Variants in TCP11L2 observed in about 807,000 individuals in gnomAD.
TCP11L2 encodes the protein t-complex 11 like 2, also known as T-complex protein 11-like protein 2.
TCP11L2 carries 39 observed loss-of-function variants against 50.7 expected under a neutral mutation model. That is an observed-to-expected ratio of 0.77 (90% CI 0.60 to 1.01). TCP11L2 has a LOEUF of 1.01. TCP11L2 is among the 50% of genes least tolerant of loss of function. TCP11L2 has a pLI of 0.00. For missense variants in TCP11L2, 612 were observed against 614.7 expected, an observed-to-expected ratio of 1.00 and a Z score of 0.05; for synonymous variants, 192 against 219.3, an observed-to-expected ratio of 0.88 and a Z score of 1.10.
At chr12:106,309,784 T>C (rs1286200642) in intron 1 of TCP11L2, among the ~76,000 whole-genome samples, 3 of 151,714 alleles carry the variant, frequency 2.0e-5, no homozygotes, top group South Asian at 2.1e-4. Context: ...TTGGTTACTT[T>C]CCCCGGTGCT....
chr12:106,324,914 T>G (rs1255248287), intron 6 of TCP11L2: 1 of 152,234 alleles, frequency 6.6e-6, no homozygotes, highest in Non-Finnish European at 1.5e-5. Context: ...AGATTTCATT[T>G]GACATCAATG....
intron 6 of TCP11L2, among the ~76,000 whole-genome samples, chr12:106,332,464 C>T (rs578249860): frequency 1.1e-4 from 16 of 152,192 alleles, no homozygotes; most frequent in South Asian, 6.2e-4. Flanking sequence ...GAATACCACT[C>T]AGTAATAAAA....
At chr12:106,315,877 C>T (rs186570022) in intron 3 of TCP11L2, among the ~76,000 whole-genome samples, 1 of 152,326 alleles carries the variant, frequency 6.6e-6, no homozygotes, top group African/African-American at 2.4e-5. Context: ...TTCAACCTTA[C>T]AGTACCAATT....
chr12:106,327,450 G>A (rs1036160663), intron 6 of TCP11L2, among the ~76,000 whole-genome samples: 1 of 152,088 alleles, frequency 6.6e-6, no homozygotes, highest in Admixed American at 6.6e-5. Context: ...AACTTGCTGG[G>A]ATTACAGGCA....
At chr12:106,301,860 G>C (rs893350762), upstream of TCP11L2, 20 of 152,368 alleles carry the variant, frequency 1.3e-4, no homozygotes, top group Admixed American at 1.0e-3. Context: ...CATTAACCAA[G>C]GTGGAAACTT....
chr12:106,301,281 A>G (rs575108464), upstream of TCP11L2, among the ~76,000 whole-genome samples: 8 of 152,360 alleles, frequency 5.3e-5, no homozygotes, highest in East Asian at 1.3e-3. Flanking sequence ...GGAGGCACAG[A>G]TACAAATTTA....
chr12:106,298,292 T>A (rs1012945655), upstream of TCP11L2, among the ~76,000 whole-genome samples: 3 of 152,160 alleles, frequency 2.0e-5, no homozygotes, highest in Non-Finnish European at 2.9e-5. Flanking sequence ...TTAATAGACC[T>A]TATTTTTAGA....
intron 2 of TCP11L2, chr12:106,312,344 A>G: frequency 9.1e-7 from 1 of 1,100,806 alleles, no homozygotes; most frequent in Non-Finnish European, 1.2e-6. Flanking sequence ...ACTTTTGGAT[A>G]TCACTGGATT....
At chr12:106,335,609 A>T (rs776988891) in intron 6 of TCP11L2, 30 bp from the exon 7 acceptor site, 1 of 1,608,356 alleles carries the variant, frequency 6.2e-7, no homozygotes, top group Non-Finnish European at 8.5e-7. Flanking sequence ...AATCAGCTGT[A>T]GAACAAATAT....
intron 9 of TCP11L2, among the ~76,000 whole-genome samples, chr12:106,341,666 C>A (rs922554464): frequency 6.6e-6 from 1 of 152,222 alleles, no homozygotes; most frequent in East Asian, 1.9e-4. Flanking sequence ...CTAGTTTTCC[C>A]GCCTCCAGCT....
Position 106,329,791 on chromosome 12 carries a change from C to T in TCP11L2, c.773-5848C>T, listed in dbSNP as rs150181122. 2.5e-5 allele frequency: 25 copies of T among 990,662 alleles called. No individual in the cohort carries two copies. In the East Asian group the frequency reaches 2.4e-3, roughly 96 times the overall value. The allele number at this position is 990,662 out of a possible 1,614,324, so 61.4% of individuals were successfully genotyped here. ...TTATATTCACGATGATTTCCACTCGCGCTCTCTCAGTTGGATGTCTTTTAA... is the reference window on the plus strand; with the variant it reads ...TTATATTCACGATGATTTCCACTCGTGCTCTCTCAGTTGGATGTCTTTTAA... On this transcript the variant is annotated intron_variant, in intron 6 of 9. Coordinates refer to ENST00000299045, the MANE Select transcript of TCP11L2 (RefSeq NM_152772.3).
Position 106,314,568 on chromosome 12 carries a change from TGTGTGTGTGA to T in TCP11L2, c.293+77_293+86del, listed in dbSNP as rs1452294069. 1.9e-3 allele frequency: 1,950 copies of T among 1,004,998 alleles called. 32 individuals are homozygous for T. The African/African-American group carries it at 0.039, about 20-fold the overall frequency. 62.3% of individuals were successfully genotyped at this position (1,004,998 alleles called of 1,614,324 possible). ...GTGTGTGTGTGTGTGTGTGTGTGTGTGTGTGTGTGAGAGAGAGAGAGAGAGAGAGAGAGAC... is the reference window on the plus strand; with the variant it reads ...GTGTGTGTGTGTGTGTGTGTGTGTGTGAGAGAGAGAGAGAGAGAGAGAGAC... On this transcript the variant is annotated intron_variant, in intron 3 of 9. Coordinates refer to ENST00000299045, the MANE Select transcript of TCP11L2 (RefSeq NM_152772.3).
At chr12:106,321,059 G>A (rs1156811511) in intron 4 of TCP11L2, among the ~76,000 whole-genome samples, 2 of 152,112 alleles carry the variant, frequency 1.3e-5, no homozygotes, top group African/African-American at 4.8e-5. Flanking sequence ...GAAGTTTGGT[G>A]ATTTTTTTTG....
At chr12:106,329,642 C>A in intron 6 of TCP11L2, 2 of 1,283,074 alleles carry the variant, frequency 1.6e-6, no homozygotes, top group Non-Finnish European at 2.0e-6. Context: ...CTAAAGTCAG[C>A]CAGGATTGAG....
At chr12:106,321,733 C>T in intron 5 of TCP11L2, 27 bp downstream of exon 5, 2 of 1,596,966 alleles carry the variant, frequency 1.3e-6, no homozygotes, top group Non-Finnish European at 1.7e-6. Flanking sequence ...TTTGCATTTC[C>T]TAGAGTATCT....
intron 2 of TCP11L2, among the ~76,000 whole-genome samples, chr12:106,313,504 C>G (rs1219381404): frequency 6.6e-6 from 1 of 151,636 alleles, no homozygotes; most frequent in Non-Finnish European, 1.5e-5. Flanking sequence ...CTCTTGACCC[C>G]AGGAGGTGGA....
At chr12:106,319,531 C>T (rs1312911483) in intron 4 of TCP11L2, among the ~76,000 whole-genome samples, 1 of 152,148 alleles carries the variant, frequency 6.6e-6, no homozygotes, top group Non-Finnish European at 1.5e-5. Context: ...GATGCTAAAG[C>T]GCAGAGACTC....
At position 106,346,325 on chromosome 12, in the gene TCP11L2, T is replaced by C. The variant is rs1372492775; in HGVS notation, c.1355T>C (p.Leu452Pro). The C allele has an allele frequency of 6.2e-7, 1 of 1,613,618 alleles. No individual in the cohort carries two copies. Among genetic ancestry groups the C allele is most frequent in the Non-Finnish European group, 8.5e-7 (1 of 1,179,734 alleles). ...CTTTACATGAGAAGGCTACTTTGTC[T>C]TCCAAGCCCTCAAAAATGCATGCCT... Reference protein sequence around the residue: ...IKLYMRRLLCLPSPQKCMPPM... With the variant: ...IKLYMRRLLCPPSPQKCMPPM... The change falls in exon 10 of 10, where the codon CTT (leucine) becomes CCT (proline). Residue 452 changes from leucine to proline, a missense_variant. Physicochemically the swap from Leu to Pro is moderately conservative, Grantham distance 98. Coordinates refer to ENST00000299045, the MANE Select transcript of TCP11L2 (RefSeq NM_152772.3).
chr12:106,308,331 A>G (rs950687680), intron 1 of TCP11L2, among the ~76,000 whole-genome samples: 2 of 152,270 alleles, frequency 1.3e-5, no homozygotes, highest in African/African-American at 4.8e-5. Context: ...CACACGGCAC[A>G]TTAATGATGA....
Sources: gnomAD v4.1 joint callset for allele counts (sites outside exome capture counted in the v4.1 genomes callset) on GRCh38, gnomAD v4.1.1 for gene constraint, MANE v1.5 for transcripts, NCBI Gene and HGNC (gene_info 2026-07-23, HGNC 2026-07-21) for gene names.